Variants in FGF16 observed in about 807,000 individuals in gnomAD.
The protein encoded by FGF16 is metacarpal 4-5 fusion.
A neutral mutation model predicts 8.5 loss-of-function variants in FGF16; 2 were observed. The ratio of observed to expected loss-of-function variants is 0.24; its 90% confidence interval spans 0.10 to 0.75. The LOEUF is 0.75. Among genes scored for constraint, FGF16 ranks in the 30% least tolerant of loss-of-function variants. The probability of loss-of-function intolerance (pLI) is 0.74; values close to 1 mark genes in which losing one functional copy is unlikely to be tolerated. For missense variants in FGF16, 79 were observed against 87.4 expected (o/e 0.90, Z 0.38); for synonymous variants, 33 against 34.6 (o/e 0.95, Z 0.16).
At chrX:77,448,098 C>T (rs2062546375) in intron 1 of FGF16, 150 bp downstream of exon 1, 2 of 296,116 alleles carry the variant, frequency 6.8e-6, no homozygotes, top group Non-Finnish European at 1.2e-5. Flanking sequence ...GGTCGTGGGC[C>T]TCTCGACATC....
At chrX:77,452,611 C>T (rs782659630) in intron 1 of FGF16, among the ~76,000 whole-genome samples, 46 of 112,576 alleles carry the variant, frequency 4.1e-4, no homozygotes, top group Non-Finnish European at 6.9e-4. Flanking sequence ...GCACATGCCC[C>T]CAAAGCTGCC....
In FGF16 at chrX:77,456,559, TG is replaced by T; in HGVS notation, c.*41del. ...TGTGCCCTCTGTGACCCATGTACCCTGGGGCCACGGTTGTCTCTGCAAGCAC... is the reference window on the plus strand; with the variant it reads ...TGTGCCCTCTGTGACCCATGTACCCTGGGCCACGGTTGTCTCTGCAAGCAC... On this transcript the variant is annotated 3_prime_UTR_variant, in exon 3 of 3. Coordinates refer to ENST00000439435, the MANE Select transcript of FGF16 (RefSeq NM_003868.3). The T allele has an allele frequency of 1.7e-6, 2 of 1,169,119 alleles. No individual in the cohort carries two copies. The highest frequency in any genetic ancestry group is 3.7e-5 in the South Asian group (2 of 53,576).
intron 1 of FGF16, among the ~76,000 whole-genome samples, chrX:77,451,232 G>C (rs781979563): frequency 7.2e-5 from 8 of 111,691 alleles, no homozygotes; most frequent in Non-Finnish European, 1.5e-4. Flanking sequence ...GAAAAACTGT[G>C]GTGACTCAAA....
At chrX:77,449,268 A>T (rs1032471547) in intron 1 of FGF16, among the ~76,000 whole-genome samples, 6 of 111,406 alleles carry the variant, frequency 5.4e-5, no homozygotes, top group African/African-American at 2.0e-4. Flanking sequence ...ACTCAAACAT[A>T]GCTAGAGTAC....
chrX:77,450,370 G>C (rs1451947997), intron 1 of FGF16, among the ~76,000 whole-genome samples: 1 of 112,446 alleles, frequency 8.9e-6, no homozygotes, highest in Non-Finnish European at 1.9e-5. Flanking sequence ...TAACCTGTTG[G>C]CACAGCATAT....
At position 77,447,686 on chromosome X, in the gene FGF16, G is replaced by A. The variant is rs1219702824; in HGVS notation, c.12G>A (p.Val4=). MAE[V]GGVFASLDWD... is the part of the protein sequence containing the mutation. ...CAATCGGCCCAGCCATGGCAGAGGT[G>A]GGGGGCGTCTTCGCCTCCTTGGACT... Residue 4 remains valine, a synonymous_variant, in exon 1 of 3, where the codon GTG becomes GTA. Transcript: ENST00000439435. 6.8e-6 allele frequency: 2 copies of A among 295,980 alleles called. No homozygotes were observed. Among genetic ancestry groups the A allele is most frequent in the Admixed American group, 6.1e-5 (1 of 16,406 alleles). The allele number at this position is 295,980 out of a possible 1,213,427, so 24.4% of individuals were successfully genotyped here.
chrX:77,455,360 T>G (rs919876884), intron 2 of FGF16, among the ~76,000 whole-genome samples: 3 of 111,951 alleles, frequency 2.7e-5, no homozygotes, highest in African/African-American at 9.7e-5. Context: ...ATTTCCAGAT[T>G]GCTTCAGCTG....
At chrX:77,451,577 G>C (rs1269685121) in intron 1 of FGF16, among the ~76,000 whole-genome samples, 1 of 112,038 alleles carries the variant, frequency 8.9e-6, no homozygotes, top group African/African-American at 3.2e-5. Flanking sequence ...ACCATTCTCA[G>C]TGTGGTCTAA....
In FGF16 at chrX:77,456,350, T is replaced by C; in HGVS notation, c.452T>C (p.Leu151Ser). The part of the protein sequence containing the change: ...ENWYNTYAST[L>S]YKHSDSERQY... ...TGGTACAACACCTATGCCTCAACCT[T>C]GTACAAACATTCGGACTCAGAGAGA... Residue 151 changes from leucine to serine, a missense_variant, in exon 3 of 3, where the codon TTG becomes TCG. Coordinates refer to ENST00000439435, the MANE Select transcript of FGF16 (RefSeq NM_003868.3). 8.3e-7 allele frequency: 1 copy of C among 1,209,918 alleles called. No individual in the cohort carries two copies. The highest frequency in any genetic ancestry group is 1.1e-6 in the Non-Finnish European group (1 of 893,825).
intron 1 of FGF16, among the ~76,000 whole-genome samples, chrX:77,452,669 A>T (rs782494008): frequency 8.9e-6 from 1 of 112,758 alleles, no homozygotes; most frequent in South Asian, 3.6e-4. Context: ...GTTCCTCAGG[A>T]GACTTCCCAG....
chrX:77,456,329 A>G lies in FGF16; in HGVS notation c.431A>G (p.Tyr144Cys). The change falls in exon 3 of 3, where the codon TAC becomes TGC. Residue 144 changes from tyrosine to cysteine, a missense_variant. Physicochemically the swap from Tyr to Cys is radical, Grantham distance 194. Coordinates refer to ENST00000439435, the MANE Select transcript of FGF16 (RefSeq NM_003868.3). ...CGGGAACAGTTTGAAGAAAACTGGTACAACACCTATGCCTCAACCTTGTAC... is the reference window on the plus strand; with the variant it reads ...CGGGAACAGTTTGAAGAAAACTGGTGCAACACCTATGCCTCAACCTTGTAC... ...VFREQFEENW[Y>C]NTYASTLYKH... 8.3e-7 allele frequency: 1 copy of G among 1,207,704 alleles called. No homozygotes were observed. Among genetic ancestry groups the G allele is most frequent in the Non-Finnish European group, 1.1e-6 (1 of 891,581 alleles).
chrX:77,453,525 G>C (rs1431898924), intron 1 of FGF16, among the ~76,000 whole-genome samples: 1 of 112,285 alleles, frequency 8.9e-6, no homozygotes, highest in African/African-American at 3.2e-5. Context: ...TGATAGGCTT[G>C]TCAGCTTGGG....
At chrX:77,456,190 T>C (rs781957464) in intron 2 of FGF16, 87 bp from the exon 3 acceptor site, 1 of 885,317 alleles carries the variant, frequency 1.1e-6, no homozygotes, top group South Asian at 2.3e-5. Context: ...CAATGTGCTA[T>C]TGCTATTTCA....
Position 77,456,342 on chromosome X carries a change from C to T in FGF16, c.444C>T (p.Ala148=). 8.3e-7 allele frequency: 1 copy of T among 1,208,996 alleles called. No homozygotes were observed. Among genetic ancestry groups the T allele is most frequent in the Non-Finnish European group, 1.1e-6 (1 of 892,937 alleles). ...QFEENWYNTY[A]STLYKHSDSE... ...AAGAAAACTGGTACAACACCTATGC[C>T]TCAACCTTGTACAAACATTCGGACT... Residue 148 remains alanine, a synonymous_variant, in exon 3 of 3, where the codon GCC becomes GCT. Transcript: ENST00000439435.
intron 1 of FGF16, among the ~76,000 whole-genome samples, chrX:77,453,656 C>T (rs1439694788): frequency 9.0e-6 from 1 of 111,399 alleles, no homozygotes; most frequent in Non-Finnish European, 1.9e-5. Flanking sequence ...GAGTCAGCTA[C>T]AGGCAGTTGA....
At chrX:77,453,321 CT>C (rs1569510594) in intron 1 of FGF16, among the ~76,000 whole-genome samples, 1 of 111,457 alleles carries the variant, frequency 9.0e-6, no homozygotes, top group East Asian at 2.8e-4. Flanking sequence ...GTTCTGGGTC[CT>C]TTTTCTCACT....
At chrX:77,452,394 G>A (rs2062559762) in intron 1 of FGF16, among the ~76,000 whole-genome samples, 1 of 112,547 alleles carries the variant, frequency 8.9e-6, no homozygotes, top group South Asian at 3.7e-4. Flanking sequence ...TTGGCACTGG[G>A]TATTTTCTCT....
At chrX:77,455,155 A>T (rs1557027021) in intron 2 of FGF16, among the ~76,000 whole-genome samples, 1 of 112,239 alleles carries the variant, frequency 8.9e-6, no homozygotes, top group East Asian at 2.8e-4. Flanking sequence ...TTAGAAGGCC[A>T]GCTAGTCTGA....
intron 1 of FGF16, among the ~76,000 whole-genome samples, chrX:77,450,598 A>T (rs2062554332): frequency 8.9e-6 from 1 of 112,421 alleles, no homozygotes; most frequent in Non-Finnish European, 1.9e-5. Flanking sequence ...TCTGGTTCTC[A>T]TTTGGCAAGA....
Sources: gnomAD v4.1 joint callset for allele counts (sites outside exome capture counted in the v4.1 genomes callset) on GRCh38, gnomAD v4.1.1 for gene constraint, MANE v1.5 for transcripts, NCBI Gene and HGNC (gene_info 2026-07-23, HGNC 2026-07-21) for gene names.